Variants in GIGYF2 observed in about 807,000 individuals in gnomAD.
GIGYF2 encodes the protein GRB10-interacting GYF protein 2.
GIGYF2 carries 25 observed loss-of-function variants against 208.1 expected under a neutral mutation model. The observed-to-expected ratio is 0.12, with a 90% CI of 0.09 to 0.17. GIGYF2 has a LOEUF of 0.17. Among genes scored for constraint, GIGYF2 ranks in the 10% least tolerant of loss-of-function variants. GIGYF2 has a pLI of 1.00. For missense variants in GIGYF2, 1,302 were observed against 1,579.4 expected, an observed-to-expected ratio of 0.82 and a Z score of 2.98; for synonymous variants, 534 against 543.8, an observed-to-expected ratio of 0.98 and a Z score of 0.25.
intron 14 of GIGYF2, among the ~76,000 whole-genome samples, chr2:232,796,858 T>TA (rs540662511): frequency 7.3e-5 from 11 of 149,744 alleles, no homozygotes; most frequent in East Asian, 3.9e-4. Flanking sequence ...AGATTCTGTC[T>TA]AAAAAAAAAA....
rs1697686540 is a variant in GIGYF2 at position 232,735,285 on chromosome 2, A to G, written c.41+47A>G. 3 of 1,316,544 alleles carry G rather than the reference A, an allele frequency of 2.3e-6. No individual in the cohort carries two copies. The South Asian group carries it at 3.6e-5, about 16-fold the overall frequency. The allele number at this position is 1,316,544 out of a possible 1,614,324, so 81.6% of individuals were successfully genotyped here. On this transcript the variant is annotated intron_variant, in intron 3 of 28. Transcript: ENST00000373563. ...TTCTTTGATATTGGATGACTAATAC[A>G]GTAGTAAAGTATTTGACAGGTGCTA...
intron 2 of GIGYF2, among the ~76,000 whole-genome samples, chr2:232,731,596 C>T (rs1323700238): frequency 6.6e-6 from 1 of 152,156 alleles, no homozygotes; most frequent in Non-Finnish European, 1.5e-5. Flanking sequence ...GGTCCACATA[C>T]TTTTAGAAAA....
intron 27 of GIGYF2, 135 bp downstream of exon 27, chr2:232,847,706 C>A (rs1480897996): frequency 1.6e-6 from 2 of 1,224,852 alleles, no homozygotes; most frequent in Non-Finnish European, 2.3e-6. Flanking sequence ...AATGTGTATA[C>A]TTCATATTTT....
At chr2:232,844,645 T>A (rs1158524124) in intron 25 of GIGYF2, 71 bp downstream of exon 25, 5 of 1,009,090 alleles carry the variant, frequency 5.0e-6, no homozygotes, top group Non-Finnish European at 7.7e-6. Context: ...AGTGGGATGT[T>A]GGGTGGGCAG....
At chr2:232,822,179 G>C (rs1233460375) in intron 21 of GIGYF2, among the ~76,000 whole-genome samples, 1 of 152,100 alleles carries the variant, frequency 6.6e-6, no homozygotes, top group Non-Finnish European at 1.5e-5. Flanking sequence ...CTGTGGTTAT[G>C]ATATGGATTG....
At chr2:232,735,832 C>G (rs1011546198) in intron 3 of GIGYF2, 3 of 985,032 alleles carry the variant, frequency 3.0e-6, no homozygotes, top group Non-Finnish European at 1.2e-6. Context: ...TGTGGCTTCC[C>G]CCCCTCCCCT....
At chr2:232,824,837 A>C (rs1009974988) in intron 21 of GIGYF2, among the ~76,000 whole-genome samples, 2 of 152,248 alleles carry the variant, frequency 1.3e-5, no homozygotes, top group African/African-American at 4.8e-5. Flanking sequence ...TTTAAAGGAC[A>C]GGCTGACTCT....
chr2:232,835,376 T>G (rs1701551797), intron 22 of GIGYF2, among the ~76,000 whole-genome samples: 1 of 152,222 alleles, frequency 6.6e-6, no homozygotes, highest in African/African-American at 2.4e-5. Context: ...CTTCCTTTAC[T>G]ACTTTAGTTA....
chr2:232,783,271 A>T (rs1471408015), intron 8 of GIGYF2, among the ~76,000 whole-genome samples: 1 of 152,242 alleles, frequency 6.6e-6, no homozygotes, highest in Non-Finnish European at 1.5e-5. Context: ...GAAGATAAAG[A>T]GGAAAGCAAC....
chr2:232,756,329 G>A lies in GIGYF2; in HGVS notation c.374G>A (p.Gly125Glu). Residue 125 changes from glycine to glutamate, a missense_variant, in exon 6 of 29, where the codon GGG (glycine) becomes GAG (glutamate). Transcript: ENST00000373563. Reference protein sequence around the residue: ...GAPRGRSSSRGRGRGRGECGF... With the variant: ...GAPRGRSSSRERGRGRGECGF... ...CCTAGAGGTCGAAGTTCTTCAAGAG[G>A]GCGAGGTGAGCTTTCATATGAAAAA... is the stretch of plus-strand genomic sequence containing the variant. 6.6e-7 allele frequency: 1 copy of A among 1,514,336 alleles called. No individual in the cohort carries two copies. The highest frequency in any genetic ancestry group is 8.9e-7 in the Non-Finnish European group (1 of 1,118,238). The allele number at this position is 1,514,336 out of a possible 1,614,324, so 93.8% of individuals were successfully genotyped here.
rs1699569801 is a variant in GIGYF2, at chr2:232,777,639, A to AT, written c.533-9511_533-9510insT. 4.1e-5 allele frequency among the ~76,000 whole-genome samples: 6 copies of AT among 145,622 alleles called. No homozygotes were observed. The South Asian group carries it at 1.3e-3, about 32-fold the overall frequency. On this transcript the variant is annotated intron_variant, in intron 8 of 28. Transcript: ENST00000373563. ...CCCCCCCCCGCCCCACAATTTAAAA[A>AT]ATATATTAATTCCTTCTTTGTTTTA...
In GIGYF2 at chr2:232,787,346, G is replaced by A; in HGVS notation, c.712+17G>A. On this transcript the variant is annotated intron_variant, in intron 9 of 28. Coordinates refer to ENST00000373563, the MANE Select transcript of GIGYF2 (RefSeq NM_001103146.3). ...ACAGTCCTGGTAAGAATTCTGTTGA[G>A]TAAAGGCACACAGGGACTGAAATAA... is the stretch of plus-strand genomic sequence containing the variant. The A allele has an allele frequency of 6.2e-7, 1 of 1,606,726 alleles. No individual in the cohort carries two copies. The highest frequency in any genetic ancestry group is 8.5e-7 in the Non-Finnish European group (1 of 1,173,402).
intron 3 of GIGYF2, among the ~76,000 whole-genome samples, chr2:232,737,241 CT>C (rs1323612951): frequency 5.9e-5 from 9 of 152,184 alleles, no homozygotes; most frequent in African/African-American, 2.2e-4. Flanking sequence ...TCAATAGTAT[CT>C]TACACATCCT....
intron 2 of GIGYF2, chr2:232,729,544 C>A: frequency 1.5e-6 from 2 of 1,337,018 alleles, no homozygotes; most frequent in South Asian, 1.5e-5. Flanking sequence ...TGAAAGCAGC[C>A]ACATCCATGG....
intron 5 of GIGYF2, among the ~76,000 whole-genome samples, chr2:232,753,582 C>G (rs771951419): frequency 6.6e-6 from 1 of 152,212 alleles, no homozygotes; most frequent in East Asian, 1.9e-4. Flanking sequence ...ACCTAAGCAT[C>G]TAAGAGATAA....
chr2:232,757,453 G>A (rs1238738862), intron 6 of GIGYF2, among the ~76,000 whole-genome samples: 1 of 152,038 alleles, frequency 6.6e-6, no homozygotes, highest in Non-Finnish European at 1.5e-5. Context: ...ATCTAGGCAT[G>A]TGTGTGCTTC....
rs1229511564 is a variant in GIGYF2, at chr2:232,787,147, T to A, written c.533-3T>A. On this transcript the variant is annotated splice_region_variant and splice_polypyrimidine_tract_variant and intron_variant, in intron 8 of 28. Coordinates refer to ENST00000373563, the MANE Select transcript of GIGYF2 (RefSeq NM_001103146.3). The stretch of plus-strand genomic sequence containing the variant: ...TTTACTTACCATATTATTTTCTTTA[T>A]AGGGAGACCAAATTTTGAGGAAGGT... 1 of 1,610,528 alleles carries A rather than the reference T, an allele frequency of 6.2e-7. No homozygotes were observed. Among genetic ancestry groups the A allele is most frequent in the African/African-American group, 1.3e-5 (1 of 74,980 alleles).
At chr2:232,798,983 T>C (rs1700308270) in intron 14 of GIGYF2, among the ~76,000 whole-genome samples, 1 of 151,098 alleles carries the variant, frequency 6.6e-6, no homozygotes, top group South Asian at 2.1e-4. Context: ...GGAGGAAATC[T>C]GTTTCTATGA....
At chr2:232,728,558 A>T (rs1697310742) in intron 2 of GIGYF2, among the ~76,000 whole-genome samples, 1 of 152,190 alleles carries the variant, frequency 6.6e-6, no homozygotes, top group African/African-American at 2.4e-5. Context: ...TGAAAACAGT[A>T]GTGCCTTGAT....
Sources: allele counts gnomAD v4.1 joint callset (sites outside exome capture counted in the v4.1 genomes callset), GRCh38; gene constraint gnomAD v4.1.1; transcripts MANE v1.5; gene names NCBI Gene and HGNC (gene_info 2026-07-23, HGNC 2026-07-21).